The following KCNIP4 variants were observed in gnomAD, a reference collection of about 807,000 sequenced individuals.
KCNIP4 encodes potassium voltage-gated channel interacting protein 4.
In KCNIP4, 12 loss-of-function variants were observed where a neutral mutation model predicts 34.0. The observed-to-expected ratio is 0.35, with a 90% CI of 0.23 to 0.57. The LOEUF is 0.57. Ranked by LOEUF, KCNIP4 falls within the 20% of genes least tolerant of loss-of-function variation. The pLI, the probability that KCNIP4 is intolerant of heterozygous loss-of-function variation, is 0.83. For missense variants in KCNIP4, 238 were observed against 311.7 expected (o/e 0.76, Z 1.78); for synonymous variants, 124 against 102.2 (o/e 1.21, Z -1.29).
At chr4:20,944,200 A>G (rs2149625478) in intron 1 of KCNIP4, among the ~76,000 whole-genome samples, 1 of 152,270 alleles carries the variant, frequency 6.6e-6, no homozygotes, top group South Asian at 2.1e-4. Context: ...ATCATGCTCC[A>G]TTTTTCTCAG....
intron 1 of KCNIP4, among the ~76,000 whole-genome samples, chr4:20,897,397 G>A (rs1441114874): frequency 1.3e-5 from 2 of 151,938 alleles, no homozygotes; most frequent in Non-Finnish European, 2.9e-5. Context: ...ACTCAGTGAG[G>A]ACTTCTCTCA....
chr4:21,937,776 TCTGCCTTCCA>T (rs1242044289), intron 1 of KCNIP4, among the ~76,000 whole-genome samples: 1 of 152,120 alleles, frequency 6.6e-6, no homozygotes, highest in African/African-American at 2.4e-5. Flanking sequence ...ATGTGTACTC[TCTGCCTTCCA>T]CTGCATGACC....
intron 1 of KCNIP4, among the ~76,000 whole-genome samples, chr4:21,079,110 C>A (rs1745779528): frequency 6.6e-6 from 1 of 151,984 alleles, no homozygotes; most frequent in Non-Finnish European, 1.5e-5. Flanking sequence ...ATCCTTCCTG[C>A]TTATTTTTCA....
chr4:21,840,578 T>A (rs1342537139), intron 1 of KCNIP4, among the ~76,000 whole-genome samples: 1 of 152,170 alleles, frequency 6.6e-6, no homozygotes, highest in Admixed American at 6.5e-5. Context: ...GGCACCCCAA[T>A]TTTGCTTTGA....
intron 1 of KCNIP4, among the ~76,000 whole-genome samples, chr4:21,601,442 A>G (rs1743149174): frequency 6.6e-6 from 1 of 151,932 alleles, no homozygotes; most frequent in African/African-American, 2.4e-5. Flanking sequence ...TCTGGCCTCG[A>G]CCACTCCAAC....
intron 1 of KCNIP4, among the ~76,000 whole-genome samples, chr4:21,353,551 A>T (rs1309161029): frequency 6.6e-6 from 1 of 152,222 alleles, no homozygotes; most frequent in Non-Finnish European, 1.5e-5. Flanking sequence ...GATATCAGTG[A>T]TTGAATATCA....
chr4:20,775,515 A>G lies in KCNIP4; in HGVS notation c.289-16625T>C, dbSNP rs530699786. ...CAGGAGTCCAAGGCCATCCTGGGCA[A>G]TATAGTGAGACTCAGTTTCTTAAAA... On this transcript the variant is annotated intron_variant, in intron 3 of 8. Coordinates refer to ENST00000382152, the MANE Select transcript of KCNIP4 (RefSeq NM_025221.6). Among the ~76,000 whole-genome samples, 62 of 147,578 alleles carry G rather than the reference A, an allele frequency of 4.2e-4. 2 individuals are homozygous for G. In the South Asian group the frequency reaches 0.014, roughly 32 times the overall value.
At chr4:21,807,303 C>T (rs554972918) in intron 1 of KCNIP4, among the ~76,000 whole-genome samples, 8 of 152,310 alleles carry the variant, frequency 5.3e-5, no homozygotes, top group Non-Finnish European at 1.2e-4. Flanking sequence ...TGCGACTCGT[C>T]CATGGCCTGA....
At chr4:21,378,522 C>T (rs545183481) in intron 1 of KCNIP4, among the ~76,000 whole-genome samples, 1 of 152,100 alleles carries the variant, frequency 6.6e-6, no homozygotes, top group African/African-American at 2.4e-5. Context: ...TTCCAAAAGT[C>T]GGCAGGTGAT....
chr4:21,348,063 T>C (rs749779251), intron 1 of KCNIP4, among the ~76,000 whole-genome samples: 2 of 152,104 alleles, frequency 1.3e-5, no homozygotes, highest in Non-Finnish European at 2.9e-5. Context: ...CATCCACACA[T>C]AAAGGCCAGC....
chr4:21,515,014 A>G (rs1306050144), intron 1 of KCNIP4, among the ~76,000 whole-genome samples: 3 of 152,188 alleles, frequency 2.0e-5, no homozygotes, highest in African/African-American at 7.2e-5. Context: ...TACCTAACAT[A>G]ATATGTTCTT....
chr4:21,347,479 C>T (rs79092421), intron 1 of KCNIP4, among the ~76,000 whole-genome samples: 1,694 of 152,290 alleles, frequency 0.011, 45 homozygotes, highest in African/African-American at 0.038. Context: ...CTCAGCCATA[C>T]GGCTGTCAGC....
intron 1 of KCNIP4, among the ~76,000 whole-genome samples, chr4:21,033,127 C>T (rs1289072124): frequency 6.6e-6 from 1 of 151,846 alleles, no homozygotes; most frequent in African/African-American, 2.4e-5. Context: ...AAATTTAAAC[C>T]ACTGGACAAC....
intron 1 of KCNIP4, among the ~76,000 whole-genome samples, chr4:21,383,461 G>A (rs1031161894): frequency 1.5e-5 from 2 of 134,456 alleles, no homozygotes; most frequent in African/African-American, 5.6e-5. Context: ...CTGGAGAAAT[G>A]TATCTCTATG....
intron 3 of KCNIP4, among the ~76,000 whole-genome samples, chr4:20,806,412 T>G (rs1433081077): frequency 6.6e-6 from 1 of 152,104 alleles, no homozygotes; most frequent in African/African-American, 2.4e-5. Flanking sequence ...CTCATTTGTT[T>G]TAAAATTTAT....
intron 1 of KCNIP4, among the ~76,000 whole-genome samples, chr4:21,308,567 A>G (rs1338216924): frequency 2.0e-5 from 3 of 152,210 alleles, no homozygotes; most frequent in African/African-American, 7.2e-5. Context: ...CTCATGTAAC[A>G]GTGGCCAGGA....
At chr4:21,213,329 T>A (rs1215522513) in intron 1 of KCNIP4, among the ~76,000 whole-genome samples, 1 of 152,088 alleles carries the variant, frequency 6.6e-6, no homozygotes, top group Non-Finnish European at 1.5e-5. Flanking sequence ...TGAGATGGGA[T>A]CTTGCTCTGT....
chr4:21,218,177 G>A (rs1362295206), intron 1 of KCNIP4, among the ~76,000 whole-genome samples: 1 of 151,568 alleles, frequency 6.6e-6, no homozygotes, highest in African/African-American at 2.4e-5. Flanking sequence ...CACCATGCCT[G>A]GCTAATTTTG....
intron 1 of KCNIP4, among the ~76,000 whole-genome samples, chr4:21,759,494 A>T: frequency 6.6e-6 from 1 of 152,324 alleles, no homozygotes; most frequent in East Asian, 1.9e-4. Context: ...CTTTGTAGTC[A>T]AAGAATCCTA....
Sources: gnomAD v4.1 joint callset for allele counts (sites outside exome capture counted in the v4.1 genomes callset) on GRCh38, gnomAD v4.1.1 for gene constraint, MANE v1.5 for transcripts, NCBI Gene and HGNC (gene_info 2026-07-23, HGNC 2026-07-21) for gene names.